PDE4B: variants seen among roughly 807,000 people sequenced by gnomAD.
The protein encoded by PDE4B is phosphodiesterase 4B, also known as 3',5'-cyclic-AMP phosphodiesterase 4B.
A neutral mutation model predicts 82.2 loss-of-function variants in PDE4B; 20 were observed. The ratio of observed to expected loss-of-function variants is 0.24; its 90% CI spans 0.17 to 0.35. The LOEUF is 0.35. Among genes scored for constraint, PDE4B ranks in the 10% least tolerant of loss-of-function variants. PDE4B has a pLI of 1.00. For missense variants in PDE4B, 655 were observed against 907.2 expected (o/e 0.72, Z 3.57); for synonymous variants, 320 against 318.9 (o/e 1.00, Z -0.04).
intron 3 of PDE4B, among the ~76,000 whole-genome samples, chr1:66,171,147 A>T (rs1168524552): frequency 1.3e-5 from 2 of 152,202 alleles, no homozygotes; most frequent in Non-Finnish European, 2.9e-5. Flanking sequence ...ATCAGTCCAC[A>T]ATTTTGCCTG....
intron 8 of PDE4B, among the ~76,000 whole-genome samples, chr1:66,341,302 T>A (rs1485554172): frequency 6.6e-6 from 1 of 152,250 alleles, no homozygotes; most frequent in Non-Finnish European, 1.5e-5. Context: ...TGATCATAAA[T>A]CTGGCTTACT....
intron 3 of PDE4B, among the ~76,000 whole-genome samples, chr1:66,172,459 A>G (rs1200750604): frequency 3.3e-5 from 5 of 152,220 alleles, no homozygotes; most frequent in Non-Finnish European, 7.3e-5. Flanking sequence ...TCCTTTGGGT[A>G]TATGCCCAGT....
At chr1:66,072,935 G>A (rs1233273457) in intron 3 of PDE4B, among the ~76,000 whole-genome samples, 3 of 151,958 alleles carry the variant, frequency 2.0e-5, no homozygotes, top group Non-Finnish European at 2.9e-5. Flanking sequence ...GAAGGTGGAG[G>A]TGAAGTAAAC....
At chr1:66,052,935 A>C (rs1312702560) in intron 3 of PDE4B, among the ~76,000 whole-genome samples, 1 of 152,210 alleles carries the variant, frequency 6.6e-6, no homozygotes, top group Non-Finnish European at 1.5e-5. Context: ...AGCACAAAAA[A>C]AGTATTCAAT....
rs1449986026 is a variant in PDE4B, at chr1:65,913,188, A to G, written c.-70-57A>G. The G allele has an allele frequency of 8.8e-6, 6 of 681,686 alleles. No homozygotes were observed. In the Admixed American group the frequency reaches 1.5e-4, roughly 17 times the overall value. The allele number at this position is 681,686 out of a possible 1,614,324, so 42.2% of individuals were successfully genotyped here. A position where few individuals can be genotyped will look rare whatever the true frequency, so the allele number is the denominator to read the frequency against. ...AATGTTAATTTAGAGAGTATGCCAC[A>G]TATTTTTCTTTAAGGATACAGAGCT... On this transcript the variant is annotated intron_variant, in intron 1 of 16. Coordinates refer to ENST00000341517, the MANE Select transcript of PDE4B (RefSeq NM_002600.4).
At chr1:66,244,821 CA>C (rs1653178896) in intron 3 of PDE4B, among the ~76,000 whole-genome samples, 1 of 152,208 alleles carries the variant, frequency 6.6e-6, no homozygotes, top group Admixed American at 6.5e-5. Flanking sequence ...CAAAAGCAAA[CA>C]GGGGCATCAT....
At chr1:66,190,446 G>C (rs1647673383) in intron 3 of PDE4B, among the ~76,000 whole-genome samples, 1 of 152,212 alleles carries the variant, frequency 6.6e-6, no homozygotes, top group Admixed American at 6.5e-5. Flanking sequence ...AGTCTACAGA[G>C]GCAGGCAGGC....
intron 3 of PDE4B, among the ~76,000 whole-genome samples, chr1:66,086,571 A>G (rs1657018342): frequency 6.6e-6 from 1 of 152,218 alleles, no homozygotes; most frequent in Non-Finnish European, 1.5e-5. Context: ...CATTTTACTT[A>G]TAATTTCTGT....
chr1:66,171,213 G>A (rs1306607071), intron 3 of PDE4B, among the ~76,000 whole-genome samples: 1 of 152,000 alleles, frequency 6.6e-6, no homozygotes, highest in Non-Finnish European at 1.5e-5. Flanking sequence ...CAAGGAAAAG[G>A]AATTTAGAAT....
chr1:66,195,253 A>C (rs182956313), intron 3 of PDE4B, among the ~76,000 whole-genome samples: 121 of 152,204 alleles, frequency 7.9e-4, no homozygotes, highest in African/African-American at 2.6e-3. Flanking sequence ...TACCCTGAAA[A>C]ATTTATAATT....
intron 3 of PDE4B, among the ~76,000 whole-genome samples, chr1:66,159,703 C>T (rs533753846): frequency 6.6e-6 from 1 of 152,082 alleles, no homozygotes; most frequent in Non-Finnish European, 1.5e-5. Context: ...GGGGTAGTGT[C>T]TTTTATTCCT....
At position 66,316,892 on chromosome 1, in the gene PDE4B, T is replaced by C. The variant is rs2101881324; in HGVS notation, c.635-15616T>C. On this transcript the variant is annotated intron_variant, in intron 7 of 16. Transcript: ENST00000341517. ...AAGTCTGGAGCTGAGTTCAGTTAAG[T>C]GACGTAGTTTACAAACCAGGGGAAA... Among the ~76,000 whole-genome samples, 3 of 152,278 alleles carry C rather than the reference T, an allele frequency of 2.0e-5. No individual in the cohort carries two copies. The South Asian group carries it at 6.2e-4, about 32-fold the overall frequency.
chr1:65,816,594 G>GATTT (rs1320071768), intron 1 of PDE4B, among the ~76,000 whole-genome samples: 4 of 152,082 alleles, frequency 2.6e-5, no homozygotes, highest in African/African-American at 7.2e-5. Flanking sequence ...TCATCACAAA[G>GATTT]ATTTATAAAC....
intron 1 of PDE4B, among the ~76,000 whole-genome samples, chr1:65,811,969 A>C (rs879788541): frequency 1.3e-5 from 2 of 152,194 alleles, no homozygotes; most frequent in African/African-American, 2.4e-5. Flanking sequence ...CCAAACAAAC[A>C]AACCAAAAAA....
intron 3 of PDE4B, among the ~76,000 whole-genome samples, chr1:66,170,573 C>A (rs1385434060): frequency 6.6e-6 from 1 of 152,106 alleles, no homozygotes; most frequent in African/African-American, 2.4e-5. Flanking sequence ...AGATAATGAG[C>A]AGTTATGACA....
intron 1 of PDE4B, among the ~76,000 whole-genome samples, chr1:65,859,249 C>T (rs1167569911): frequency 6.6e-6 from 1 of 151,610 alleles, no homozygotes; most frequent in Non-Finnish European, 1.5e-5. Flanking sequence ...TCTAGATGCC[C>T]CTTTTGCACT....
At position 66,372,790 on chromosome 1, in the gene PDE4B, C is replaced by G. The variant is rs1325733626; in HGVS notation, c.*112C>G. 9.3e-7 allele frequency: 1 copy of G among 1,076,052 alleles called. No homozygotes were observed. Among genetic ancestry groups the G allele is most frequent in the African/African-American group, 1.6e-5 (1 of 63,156 alleles). 66.7% of individuals were successfully genotyped at this position (1,076,052 alleles called of 1,614,324 possible). ...CCTGCACAGGACAAGGGCCACCTGG[C>G]CTTTCAGTTACTTGAGTTTGGAGTC... On this transcript the variant is annotated 3_prime_UTR_variant, in exon 17 of 17. Coordinates refer to ENST00000341517, the MANE Select transcript of PDE4B (RefSeq NM_002600.4).
intron 16 of PDE4B, among the ~76,000 whole-genome samples, chr1:66,371,116 A>ATATATC (rs1476209944): frequency 7.2e-6 from 1 of 138,334 alleles, no homozygotes; most frequent in African/African-American, 2.6e-5. Flanking sequence ...ATATATATAT[A>ATATATC]TATATATATA....
At chr1:66,346,681 A>G (rs532772034) in intron 8 of PDE4B, among the ~76,000 whole-genome samples, 92 of 152,332 alleles carry the variant, frequency 6.0e-4, no homozygotes, top group African/African-American at 2.1e-3. Context: ...AATTAATTAT[A>G]TATGCTGCTG....
Sources: allele counts gnomAD v4.1 joint callset (sites outside exome capture counted in the v4.1 genomes callset), GRCh38; gene constraint gnomAD v4.1.1; transcripts MANE v1.5; gene names NCBI Gene and HGNC (gene_info 2026-07-23, HGNC 2026-07-21).